The following RIN2 variants were observed in gnomAD, a reference collection of about 807,000 sequenced individuals.
RIN2 encodes the protein Ras and Rab interactor 2.
Under a neutral mutation model 78.0 loss-of-function variants are expected in RIN2, and 36 were observed. That is an observed-to-expected ratio of 0.46 (90% CI 0.35 to 0.61). The LOEUF is 0.61. Among genes scored for constraint, RIN2 ranks in the 20% least tolerant of loss-of-function variants. RIN2 has a pLI of 0.00. For missense variants in RIN2, 1,087 were observed against 1,159.7 expected (o/e 0.94, Z 0.91); for synonymous variants, 466 against 466.8 (o/e 1.00, Z 0.02).
chr20:19,916,172 G>A (rs569178717), intron 3 of RIN2, among the ~76,000 whole-genome samples: 4 of 152,302 alleles, frequency 2.6e-5, no homozygotes, highest in East Asian at 1.9e-4. Flanking sequence ...CCTGAGAGGC[G>A]GAGATTGCAG....
At chr20:19,830,429 G>T (rs1294320525) in intron 2 of RIN2, among the ~76,000 whole-genome samples, 1 of 152,160 alleles carries the variant, frequency 6.6e-6, no homozygotes, top group East Asian at 1.9e-4. Context: ...ACTCTCAGGT[G>T]TAGCATCTTC....
intron 11 of RIN2, among the ~76,000 whole-genome samples, chr20:19,995,946 G>A (rs1156875231): frequency 6.6e-6 from 1 of 152,078 alleles, no homozygotes; most frequent in Admixed American, 6.6e-5. Flanking sequence ...CACCTCACAC[G>A]CCTGACTTTC....
intron 3 of RIN2, among the ~76,000 whole-genome samples, chr20:19,900,945 C>CAAAAAAAAAAAA (rs869239642): frequency 3.4e-5 from 1 of 29,572 alleles, no homozygotes; most frequent in Non-Finnish European, 8.4e-5. Flanking sequence ...AGCTCTGTCT[C>CAAAAAAAAAAAA]AAAAAAAAAA....
chr20:19,820,094 A>G (rs931293988), intron 2 of RIN2, among the ~76,000 whole-genome samples: 5 of 152,252 alleles, frequency 3.3e-5, no homozygotes, highest in African/African-American at 9.6e-5. Context: ...TCAAACAGAC[A>G]ACTCAAAATG....
At chr20:19,782,234 C>G (rs562604068) in intron 1 of RIN2, among the ~76,000 whole-genome samples, 1 of 152,094 alleles carries the variant, frequency 6.6e-6, no homozygotes. Context: ...TTGCCATATG[C>G]GTAGCACCTA....
chr20:19,760,794 A>G (rs937666670), intron 1 of RIN2, among the ~76,000 whole-genome samples: 9 of 152,132 alleles, frequency 5.9e-5, no homozygotes, highest in African/African-American at 2.2e-4. Context: ...AACCTTCAAG[A>G]ATCCTAATAG....
At chr20:19,841,419 G>GC (rs1424005564) in intron 2 of RIN2, among the ~76,000 whole-genome samples, 2 of 152,034 alleles carry the variant, frequency 1.3e-5, no homozygotes, top group African/African-American at 4.8e-5. Flanking sequence ...AACAAACGCA[G>GC]CCCCATAGAT....
At chr20:19,971,686 C>T (rs551931644) in intron 8 of RIN2, among the ~76,000 whole-genome samples, 1 of 150,982 alleles carries the variant, frequency 6.6e-6, no homozygotes, top group Non-Finnish European at 1.5e-5. Flanking sequence ...AAGGAAGCTT[C>T]AGCGAGGAGC....
At chr20:19,914,906 G>A (rs1325948701) in intron 3 of RIN2, among the ~76,000 whole-genome samples, 4 of 152,162 alleles carry the variant, frequency 2.6e-5, no homozygotes, top group Non-Finnish European at 4.4e-5. Flanking sequence ...GACTAAGGTG[G>A]CACTGGGAAA....
chr20:19,758,834 C>A (rs567311284), intron 1 of RIN2, among the ~76,000 whole-genome samples: 1 of 152,292 alleles, frequency 6.6e-6, no homozygotes, highest in Admixed American at 6.5e-5. Context: ...CAGCGCGGAC[C>A]CCACTGGTGA....
chr20:19,910,154 T>G (rs1015566093), intron 3 of RIN2, among the ~76,000 whole-genome samples: 3 of 152,170 alleles, frequency 2.0e-5, no homozygotes, highest in Non-Finnish European at 4.4e-5. Context: ...CATTAATTTT[T>G]TATTTATTTT....
intron 3 of RIN2, among the ~76,000 whole-genome samples, chr20:19,914,746 C>T (rs2123752124): frequency 6.6e-6 from 1 of 152,268 alleles, no homozygotes; most frequent in South Asian, 2.1e-4. Context: ...CTACGGAATG[C>T]CTCTGAATCA....
At chr20:19,973,617 C>T (rs892873362) in intron 8 of RIN2, among the ~76,000 whole-genome samples, 1 of 152,014 alleles carries the variant, frequency 6.6e-6, no homozygotes, top group African/African-American at 2.4e-5. Flanking sequence ...GGTGAAACCC[C>T]GTCTCTCCTA....
intron 3 of RIN2, among the ~76,000 whole-genome samples, chr20:19,914,531 C>T (rs908930037): frequency 1.3e-5 from 2 of 152,140 alleles, no homozygotes; most frequent in Admixed American, 6.6e-5. Context: ...ATTAGTGAAT[C>T]GATGTGTTAA....
chr20:19,984,647 A>G (rs184591145), intron 9 of RIN2, among the ~76,000 whole-genome samples: 38 of 152,226 alleles, frequency 2.5e-4, no homozygotes, highest in African/African-American at 8.9e-4. Context: ...CATGCATGTA[A>G]TCCCAGCTAC....
chr20:19,913,106 CAAGAG>C (rs912978157), intron 3 of RIN2, among the ~76,000 whole-genome samples: 44 of 152,180 alleles, frequency 2.9e-4, no homozygotes, highest in African/African-American at 1.1e-3. Flanking sequence ...ATCATTTTCT[CAAGAG>C]AAGGTCTCCA....
intron 3 of RIN2, among the ~76,000 whole-genome samples, chr20:19,895,290 A>C (rs1272952402): frequency 6.6e-6 from 1 of 152,170 alleles, no homozygotes; most frequent in Non-Finnish European, 1.5e-5. Context: ...ATTTGTCATC[A>C]CGGCTATGAT....
intron 3 of RIN2, among the ~76,000 whole-genome samples, chr20:19,892,628 T>C (rs947446210): frequency 6.6e-6 from 1 of 152,178 alleles, no homozygotes; most frequent in East Asian, 1.9e-4. Flanking sequence ...CCTCCCACCC[T>C]GGCCTCCCAA....
chr20:19,914,313 T>C (rs1425067339), intron 3 of RIN2, among the ~76,000 whole-genome samples: 1 of 152,164 alleles, frequency 6.6e-6, no homozygotes, highest in Non-Finnish European at 1.5e-5. Context: ...ACCCTAAAGG[T>C]AGCAGGTCTT....
Sources: gnomAD v4.1 joint callset for allele counts (sites outside exome capture counted in the v4.1 genomes callset) on GRCh38, gnomAD v4.1.1 for gene constraint, MANE v1.5 for transcripts, NCBI Gene and HGNC (gene_info 2026-07-23, HGNC 2026-07-21) for gene names.